NKAIN3: variants seen among roughly 807,000 people sequenced by gnomAD.
The protein encoded by NKAIN3 is sodium/potassium-transporting ATPase subunit beta-1-interacting protein 3.
In NKAIN3, 25 loss-of-function variants were observed where a neutral mutation model predicts 30.2. That is an observed-to-expected ratio of 0.83 (90% CI 0.60 to 1.16). NKAIN3 has a LOEUF of 1.16. Ranked by LOEUF, NKAIN3 falls within the 50% of genes most tolerant of loss-of-function variation. The pLI is 0.00. For synonymous variants in NKAIN3, 91 were observed against 89.6 expected (o/e 1.02, Z -0.09); for missense variants, 225 against 254.1 (o/e 0.89, Z 0.78).
intron 4 of NKAIN3, among the ~76,000 whole-genome samples, chr8:62,854,497 A>T (rs1403367441): frequency 6.6e-6 from 1 of 152,170 alleles, no homozygotes; most frequent in Non-Finnish European, 1.5e-5. Context: ...ACTCTATCTT[A>T]TCAGAAACTT....
chr8:62,856,345 C>T (rs1820058929), intron 4 of NKAIN3: 6 of 902,988 alleles, frequency 6.6e-6, no homozygotes, highest in Middle Eastern at 2.3e-4. Flanking sequence ...CTGCTTAGTG[C>T]TTGCTTCCTG....
chr8:62,535,924 C>T (rs2129864799), intron 1 of NKAIN3, among the ~76,000 whole-genome samples: 2 of 152,272 alleles, frequency 1.3e-5, no homozygotes, highest in Admixed American at 1.3e-4. Context: ...AATGGCCTGC[C>T]TCTGAGTCCT....
chr8:62,706,959 T>G (rs968631085), intron 3 of NKAIN3, among the ~76,000 whole-genome samples: 3 of 152,020 alleles, frequency 2.0e-5, no homozygotes, highest in African/African-American at 7.2e-5. Context: ...CCTGAGTTAC[T>G]TCACTTAGAA....
intron 4 of NKAIN3, among the ~76,000 whole-genome samples, chr8:62,892,637 T>C (rs1022747856): frequency 5.3e-5 from 8 of 152,238 alleles, no homozygotes; most frequent in African/African-American, 1.7e-4. Flanking sequence ...AACTCTTAAA[T>C]ATAAAGATTA....
intron 5 of NKAIN3, among the ~76,000 whole-genome samples, chr8:62,948,602 T>G (rs879326060): frequency 6.6e-6 from 1 of 152,242 alleles, no homozygotes; most frequent in Non-Finnish European, 1.5e-5. Flanking sequence ...CATTTTTCTG[T>G]GTATTAAAAG....
At chr8:62,379,613 T>A (rs1029149642) in intron 1 of NKAIN3, among the ~76,000 whole-genome samples, 2 of 152,198 alleles carry the variant, frequency 1.3e-5, no homozygotes, top group Non-Finnish European at 2.9e-5. Flanking sequence ...TCTGGCATTT[T>A]CCCTGCTTGT....
intron 1 of NKAIN3, among the ~76,000 whole-genome samples, chr8:62,486,980 C>G (rs1806922880): frequency 6.6e-6 from 1 of 152,194 alleles, no homozygotes; most frequent in Admixed American, 6.5e-5. Context: ...CATGCAGACC[C>G]TCCCTGAATC....
rs1187266559 is a variant in NKAIN3 at position 62,978,785 on chromosome 8, C to T, written c.*13378C>T. 7 of 153,330 alleles carry T rather than the reference C, an allele frequency of 4.6e-5. No individual in the cohort carries two copies. In the Admixed American group the frequency reaches 4.6e-4, roughly 10 times the overall value. The allele number at this position is 153,330 out of a possible 1,614,324, so 9.5% of individuals were successfully genotyped here. ...GTACGAAAAAAACTCCTACAGCTAGCTCAGTGTCTGCCCAAATGGCCACTC... is the reference window on the plus strand; with the variant it reads ...GTACGAAAAAAACTCCTACAGCTAGTTCAGTGTCTGCCCAAATGGCCACTC... On this transcript the variant is annotated 3_prime_UTR_variant, in exon 7 of 7. Transcript: ENST00000623646.
intron 3 of NKAIN3, among the ~76,000 whole-genome samples, chr8:62,662,864 G>A (rs895265933): frequency 2.0e-5 from 3 of 152,144 alleles, no homozygotes; most frequent in African/African-American, 7.2e-5. Flanking sequence ...ATATATCTAT[G>A]ACACAAGACA....
chr8:62,379,425 G>A (rs528791777), intron 1 of NKAIN3, among the ~76,000 whole-genome samples: 1 of 152,126 alleles, frequency 6.6e-6, no homozygotes, highest in Non-Finnish European at 1.5e-5. Context: ...GGAGCCAGGG[G>A]TGGAATGATA....
At chr8:62,321,744 G>A (rs1204856676) in intron 1 of NKAIN3, among the ~76,000 whole-genome samples, 1 of 152,154 alleles carries the variant, frequency 6.6e-6, no homozygotes, top group East Asian at 1.9e-4. Flanking sequence ...CCCCTACTGG[G>A]GGGTGCCTCC....
At chr8:62,644,407 G>A (rs573317584) in intron 3 of NKAIN3, among the ~76,000 whole-genome samples, 3 of 148,194 alleles carry the variant, frequency 2.0e-5, no homozygotes, top group Non-Finnish European at 4.4e-5. Flanking sequence ...AATATAGTTA[G>A]ATCTTTTTTT....
intron 3 of NKAIN3, among the ~76,000 whole-genome samples, chr8:62,707,865 G>C (rs949280059): frequency 5.3e-5 from 8 of 152,078 alleles, no homozygotes; most frequent in African/African-American, 1.9e-4. Flanking sequence ...TCAGGTCTTA[G>C]GTTTAAGTCC....
At chr8:62,730,022 T>G (rs867891163) in intron 3 of NKAIN3, among the ~76,000 whole-genome samples, 1 of 152,204 alleles carries the variant, frequency 6.6e-6, no homozygotes, top group Non-Finnish European at 1.5e-5. Context: ...CATGCCACGT[T>G]TGGACAATAA....
At position 62,944,592 on chromosome 8, in the gene NKAIN3, A is replaced by T. The variant is rs185592935; in HGVS notation, c.533-9310A>T. Among the ~76,000 whole-genome samples, 302 of 152,278 alleles carry T rather than the reference A, an allele frequency of 2.0e-3. 2 individuals are homozygous for T. Among genetic ancestry groups the T allele is most frequent in the African/African-American group, 7.0e-3 (290 of 41,566 alleles). The stretch of plus-strand genomic sequence containing the variant: ...CTCTCAATTACATTTTACTGAATTC[A>T]GTGTAGTGGCTTGCAAATCTTTTCA... On this transcript the variant is annotated intron_variant, in intron 5 of 6. Coordinates refer to ENST00000623646, the MANE Select transcript of NKAIN3 (RefSeq NM_001304533.3).
At chr8:62,712,563 A>C (rs1363378532) in intron 3 of NKAIN3, among the ~76,000 whole-genome samples, 2 of 152,102 alleles carry the variant, frequency 1.3e-5, no homozygotes, top group Non-Finnish European at 2.9e-5. Context: ...ACACAAACCA[A>C]AGAGCTGGTC....
chr8:62,906,143 T>A (rs779987244), intron 4 of NKAIN3, among the ~76,000 whole-genome samples: 1 of 152,174 alleles, frequency 6.6e-6, no homozygotes, highest in African/African-American at 2.4e-5. Context: ...AAAAGAGATA[T>A]GAAACTTGTG....
At chr8:62,451,669 G>A (rs1205183466) in intron 1 of NKAIN3, among the ~76,000 whole-genome samples, 2 of 152,224 alleles carry the variant, frequency 1.3e-5, no homozygotes, top group African/African-American at 2.4e-5. Context: ...TCACAGTCAA[G>A]TATCTTGAGG....
intron 5 of NKAIN3, among the ~76,000 whole-genome samples, chr8:62,935,573 A>C (rs1822758791): frequency 6.6e-6 from 1 of 152,160 alleles, no homozygotes; most frequent in African/African-American, 2.4e-5. Flanking sequence ...TCCAAAATGC[A>C]GTAGTACCTT....
Sources: allele counts gnomAD v4.1 joint callset (sites outside exome capture counted in the v4.1 genomes callset), GRCh38; gene constraint gnomAD v4.1.1; transcripts MANE v1.5; gene names NCBI Gene and HGNC (gene_info 2026-07-23, HGNC 2026-07-21).